The following BEND2 variants were observed in gnomAD, a reference collection of about 807,000 sequenced individuals.
The protein encoded by BEND2 is BEN domain containing 2.
Under a neutral mutation model 43.8 loss-of-function variants are expected in BEND2, and 19 were observed. The observed-to-expected ratio is 0.43, with a 90% confidence interval of 0.30 to 0.64. The LOEUF (loss-of-function observed/expected upper bound fraction) is 0.64. Among genes scored for constraint, BEND2 ranks in the 30% least tolerant of loss-of-function variants. The pLI, the probability that BEND2 is intolerant of heterozygous loss-of-function variation, is 0.11. For synonymous variants in BEND2, 226 were observed against 210.1 expected, an observed-to-expected ratio of 1.08 and a Z score of -0.66; for missense variants, 544 against 574.0, an observed-to-expected ratio of 0.95 and a Z score of 0.53.
chrX:18,202,426 T>G (rs1470518603), intron 5 of BEND2, among the ~76,000 whole-genome samples: 2 of 112,026 alleles, frequency 1.8e-5, no homozygotes, highest in African/African-American at 6.5e-5. Flanking sequence ...ATGGGACCTT[T>G]AAGATGATTA....
chrX:18,167,387 A>C (rs1923851496), intron 13 of BEND2, among the ~76,000 whole-genome samples: 1 of 111,872 alleles, frequency 8.9e-6, no homozygotes. Flanking sequence ...GCTGACCTAC[A>C]CTGACAAGAT....
chrX:18,176,458 C>T (rs1040562990), intron 10 of BEND2, among the ~76,000 whole-genome samples: 9 of 107,463 alleles, frequency 8.4e-5, no homozygotes, highest in South Asian at 8.4e-4. Flanking sequence ...GCAGGAGGAT[C>T]GCTTGAGATC....
chrX:18,199,682 A>G (rs980737116), intron 6 of BEND2, among the ~76,000 whole-genome samples: 1 of 110,617 alleles, frequency 9.0e-6, no homozygotes, highest in Non-Finnish European at 1.9e-5. Flanking sequence ...CATTCAGGAT[A>G]TTGATGGAAA....
intron 6 of BEND2, among the ~76,000 whole-genome samples, chrX:18,196,319 GAA>G (rs1437005346): frequency 3.7e-5 from 4 of 107,875 alleles, no homozygotes; most frequent in Non-Finnish European, 7.7e-5. Context: ...AAAAAGGAAA[GAA>G]GAGAAAAAAG....
At chrX:18,196,546 A>G (rs141281763) in intron 6 of BEND2, among the ~76,000 whole-genome samples, 52 of 110,053 alleles carry the variant, frequency 4.7e-4, no homozygotes, top group African/African-American at 1.5e-3. Flanking sequence ...AATACCAAAG[A>G]GTGGGAGGGG....
At chrX:18,190,766 T>TCTCTCTCACACA (rs1439593746) in intron 8 of BEND2, among the ~76,000 whole-genome samples, 12 of 93,015 alleles carry the variant, frequency 1.3e-4, no homozygotes, top group African/African-American at 4.3e-4. Flanking sequence ...TCTCTCTCTC[T>TCTCTCTCACACA]CACACACACA....
At position 18,220,740 on chromosome X, in the gene BEND2, C is replaced by G. The variant is rs1925846906; in HGVS notation, c.11G>C (p.Arg4Thr). The change falls in exon 1 of 14, where the codon AGG (arginine) becomes ACG (threonine). Residue 4 changes from arginine to threonine, a missense_variant. By Grantham distance (71) the Arg-to-Thr change is moderately conservative. Coordinates refer to ENST00000380033, the MANE Select transcript of BEND2 (RefSeq NM_153346.5). MSE[R>T]TQEQDFVIIT... ...GGTCACTTTACCCTGTTCCTGGGTCCTCTCTGACATCGTGAGATGGCGGGG... is the reference window on the plus strand; with the variant it reads ...GGTCACTTTACCCTGTTCCTGGGTCGTCTCTGACATCGTGAGATGGCGGGG... 1 of 1,208,434 alleles carries G rather than the reference C, an allele frequency of 8.3e-7. No individual in the cohort carries two copies. Among genetic ancestry groups the G allele is most frequent in the African/African-American group, 1.7e-5 (1 of 57,245 alleles).
chrX:18,186,150 C>G (rs1190840611), intron 8 of BEND2, among the ~76,000 whole-genome samples: 1 of 111,530 alleles, frequency 9.0e-6, no homozygotes, highest in Non-Finnish European at 1.9e-5. Flanking sequence ...ATAACTACAA[C>G]AACTTTTCAA....
rs768843013 is a variant in BEND2, at chrX:18,206,396, C to A, written c.493-2481G>T. ...AAAATACCCAGAGAAAAACAGGAAGCCAGATGTGGAGACAGCGAGTATCAA... is the reference window on the plus strand; with the variant it reads ...AAAATACCCAGAGAAAAACAGGAAGACAGATGTGGAGACAGCGAGTATCAA... On this transcript the variant is annotated intron_variant, in intron 4 of 13. Transcript: ENST00000380033. 4.3e-4 allele frequency among the ~76,000 whole-genome samples: 48 copies of A among 111,485 alleles called. 1 individual carries two copies. Among genetic ancestry groups the A allele is most frequent in the Non-Finnish European group, 7.5e-4 (40 of 53,077 alleles).
chrX:18,219,635 G>C (rs1477545176), intron 1 of BEND2, among the ~76,000 whole-genome samples: 1 of 112,710 alleles, frequency 8.9e-6, no homozygotes, highest in Admixed American at 9.3e-5. Flanking sequence ...ACCCAGTGGG[G>C]TGGTTCACGC....
chrX:18,182,127 C>T (rs780491572), intron 8 of BEND2, among the ~76,000 whole-genome samples: 5 of 111,416 alleles, frequency 4.5e-5, no homozygotes, highest in African/African-American at 6.5e-5. Context: ...TGTATCCCTG[C>T]CTAAACTTCA....
chrX:18,166,871 C>T (rs1242185112), intron 13 of BEND2, among the ~76,000 whole-genome samples: 3 of 107,359 alleles, frequency 2.8e-5, no homozygotes, highest in African/African-American at 6.8e-5. Context: ...GCCTGGGCAA[C>T]GGGAATGAGA....
chrX:18,205,520 C>G (rs1925303690), intron 4 of BEND2, among the ~76,000 whole-genome samples: 1 of 101,190 alleles, frequency 9.9e-6, no homozygotes, highest in African/African-American at 3.7e-5. Flanking sequence ...GTGGGAGAAT[C>G]ACCTGAGCCT....
intron 12 of BEND2, among the ~76,000 whole-genome samples, chrX:18,173,578 T>C (rs1314946242): frequency 8.9e-6 from 1 of 111,742 alleles, no homozygotes. Context: ...ACTGAACCAC[T>C]GCCACTTGAC....
At chrX:18,186,406 C>T (rs989647767) in intron 8 of BEND2, among the ~76,000 whole-genome samples, 4 of 100,753 alleles carry the variant, frequency 4.0e-5, no homozygotes, top group Non-Finnish European at 5.9e-5. Flanking sequence ...TGCAGTGAGC[C>T]GAGATTGCGC....
At chrX:18,214,550 G>A (rs953668511) in intron 2 of BEND2, among the ~76,000 whole-genome samples, 4 of 110,725 alleles carry the variant, frequency 3.6e-5, no homozygotes, top group Non-Finnish European at 5.7e-5. Context: ...ATGGCCGGGC[G>A]TGGTGGCTCA....
At chrX:18,211,639 C>T (rs907704655) in intron 4 of BEND2, among the ~76,000 whole-genome samples, 3 of 110,822 alleles carry the variant, frequency 2.7e-5, no homozygotes, top group Non-Finnish European at 5.7e-5. Context: ...AAAAATTAGC[C>T]GAATGTGGTG....
At chrX:18,174,009 T>A (rs1164918616) in intron 12 of BEND2, 21 bp downstream of exon 12, 9 of 1,159,685 alleles carry the variant, frequency 7.8e-6, no homozygotes, top group Non-Finnish European at 1.1e-5. Context: ...TATTTAAATA[T>A]AAGTTTTTAA....
intron 8 of BEND2, among the ~76,000 whole-genome samples, chrX:18,189,838 G>A (rs1426113009): frequency 9.0e-6 from 1 of 110,664 alleles, no homozygotes; most frequent in Non-Finnish European, 1.9e-5. Context: ...CATGAGGTCA[G>A]GAGATCGAGA....
Sources: gnomAD v4.1 joint callset for allele counts (sites outside exome capture counted in the v4.1 genomes callset) on GRCh38, gnomAD v4.1.1 for gene constraint, MANE v1.5 for transcripts, NCBI Gene and HGNC (gene_info 2026-07-23, HGNC 2026-07-21) for gene names.